PNPLA6: variants seen among roughly 807,000 people sequenced by gnomAD.
PNPLA6 encodes patatin like domain 6, lysophospholipase.
Under a neutral mutation model 153.7 loss-of-function variants are expected in PNPLA6, and 105 were observed. The ratio of observed to expected loss-of-function variants is 0.68; its 90% CI spans 0.58 to 0.80. The LOEUF is 0.80. PNPLA6 is among the 30% of genes least tolerant of loss of function. PNPLA6 has a pLI of 0.00. For missense variants in PNPLA6, 1,423 were observed against 1,919.3 expected (o/e 0.74, Z 4.83); for synonymous variants, 825 against 822.2 (o/e 1.00, Z -0.06).
intron 14 of PNPLA6, 38 bp downstream of exon 14, chr19:7,550,150 G>A (rs1027553804): frequency 6.2e-7 from 1 of 1,611,060 alleles, no homozygotes; most frequent in Non-Finnish European, 8.5e-7. Context: ...GTGGCACTCG[G>A]AGGACCCCAA....
chr19:7,541,333 C>T lies in PNPLA6; in HGVS notation c.925-21C>T. ...CCCTTACCCCGCCCCATCTTATGGC[C>T]ACGCCCCTCGAGCCCTGCAGATCAT... is the stretch of plus-strand genomic sequence containing the variant. On this transcript the variant is annotated intron_variant, in intron 7 of 31. Coordinates refer to ENST00000600737, the MANE Select transcript of PNPLA6 (RefSeq NM_001166114.2). The surrounding 1 kb of genome is among the most constrained non-coding windows in gnomAD (Gnocchi z 5.2). 1 of 1,608,936 alleles carries T rather than the reference C, an allele frequency of 6.2e-7. No individual in the cohort carries two copies. The highest frequency in any genetic ancestry group is 8.5e-7 in the Non-Finnish European group (1 of 1,176,020).
Position 7,541,104 on chromosome 19 carries a change from C to T in PNPLA6, c.924+53C>T. 1 of 1,578,312 alleles carries T rather than the reference C, an allele frequency of 6.3e-7. No homozygotes were observed. Among genetic ancestry groups the T allele is most frequent in the Non-Finnish European group, 8.6e-7 (1 of 1,160,498 alleles). ...CCCTGAGGGACCCCACCCTGGCCCC[C>T]ACCCATTCCAGGCTCCAAGGGACCG... is the stretch of plus-strand genomic sequence containing the variant. On this transcript the variant is annotated intron_variant, in intron 7 of 31. Coordinates refer to ENST00000600737, the MANE Select transcript of PNPLA6 (RefSeq NM_001166114.2). This position sits in a 1 kb window ranked among gnomAD's most constrained non-coding sequence, Gnocchi z 5.2.
chr19:7,559,417 C>T (rs1317660387), intron 28 of PNPLA6, among the ~76,000 whole-genome samples: 1 of 152,188 alleles, frequency 6.6e-6, no homozygotes, highest in Non-Finnish European at 1.5e-5. Context: ...ACTGCCATTT[C>T]TGCATTGGTG....
At chr19:7,535,351 T>C (rs1599261578), upstream of PNPLA6, 1 of 670,596 alleles carries the variant, frequency 1.5e-6, no homozygotes, top group Non-Finnish European at 2.7e-6. The surrounding 1 kb of genome is among the most constrained non-coding windows in gnomAD (Gnocchi z 5.0). Context: ...CATCCCTTAG[T>C]CCCGCAGCGC....
chr19:7,558,787 G>A, intron 27 of PNPLA6, 63 bp from the exon 28 acceptor site: 1 of 1,222,650 alleles, frequency 8.2e-7, no homozygotes, highest in Non-Finnish European at 1.2e-6. Flanking sequence ...TGTGGGACTG[G>A]GTTGAACATC....
chr19:7,541,229 C>T lies in PNPLA6; in HGVS notation c.925-125C>T, dbSNP rs952553583. The stretch of plus-strand genomic sequence containing the variant: ...CTCCCTTAGCTGCCTCGCCCCATTT[C>T]CCCAGACTGTGGGTCTCTCCCTGGT... On this transcript the variant is annotated intron_variant, in intron 7 of 31. Coordinates refer to ENST00000600737, the MANE Select transcript of PNPLA6 (RefSeq NM_001166114.2). The surrounding 1 kb of genome is among the most constrained non-coding windows in gnomAD (Gnocchi z 5.2). 2.7e-6 allele frequency: 3 copies of T among 1,105,448 alleles called. No individual in the cohort carries two copies. In the African/African-American group the frequency reaches 4.6e-5, roughly 17 times the overall value. 68.5% of individuals were successfully genotyped at this position (1,105,448 alleles called of 1,614,324 possible).
At chr19:7,557,032 C>T (rs759592981) in intron 26 of PNPLA6, 136 bp from the exon 27 acceptor site, 57 of 825,882 alleles carry the variant, frequency 6.9e-5, no homozygotes, top group Non-Finnish European at 1.1e-4. Flanking sequence ...CTGTGCGACC[C>T]CAAGGACGGG....
rs1314118399 is a variant in PNPLA6 at position 7,540,957 on chromosome 19, G to C, written c.830G>C (p.Arg277Pro). The C allele has an allele frequency of 6.2e-7, 1 of 1,612,078 alleles. No homozygotes were observed. The highest frequency in any genetic ancestry group is 8.5e-7 in the Non-Finnish European group (1 of 1,179,730). The change falls in exon 7 of 32, where the codon CGG becomes CCG. Residue 277 changes from arginine to proline, a missense_variant. Physicochemically the swap from Arg to Pro is moderately radical, Grantham distance 103 (BLOSUM62 -2). Transcript: ENST00000600737. The surrounding 1 kb of genome is among the most constrained non-coding windows in gnomAD (Gnocchi z 6.8). Reference sequence around the variant, plus strand: ...CATCCCCAGCGGACCGTGTCTGCCCGGGCGGCCCGGGACTCCACGGTGCTG... The same window carrying C: ...CATCCCCAGCGGACCGTGTCTGCCCCGGCGGCCCGGGACTCCACGGTGCTG... ...HQHPQRTVSA[R>P]AARDSTVLRL...
At chr19:7,553,739 G>A in intron 18 of PNPLA6, 136 bp from the exon 19 acceptor site, 2 of 1,104,188 alleles carry the variant, frequency 1.8e-6, no homozygotes, top group Non-Finnish European at 2.7e-6. Flanking sequence ...AAGACTTTGG[G>A]CAACTGGGGG....
chr19:7,539,386 G>A (rs548717207), intron 3 of PNPLA6, among the ~76,000 whole-genome samples: 4 of 152,184 alleles, frequency 2.6e-5, no homozygotes, highest in South Asian at 4.1e-4. Flanking sequence ...GGCCGAGGCA[G>A]GAGAATCGCT....
chr19:7,560,586 G>C, intron 28 of PNPLA6, 62 bp from the exon 29 acceptor site: 1 of 1,138,148 alleles, frequency 8.8e-7, no homozygotes, highest in Admixed American at 1.7e-5. Context: ...AGAATGGGCA[G>C]ACAGAGTGGG....
rs750642573 is a variant in PNPLA6, at chr19:7,557,142, TTGTGTC to T, written c.3281-20_3281-15del. The T allele has an allele frequency of 1.9e-6, 3 of 1,545,616 alleles. No individual in the cohort carries two copies. Among genetic ancestry groups the T allele is most frequent in the East Asian group, 2.2e-5 (1 of 44,524 alleles). On this transcript the variant is annotated intron_variant, in intron 26 of 31. Coordinates refer to ENST00000600737, the MANE Select transcript of PNPLA6 (RefSeq NM_001166114.2). ...CGTGTCTGAGCGTGTCTGTGCGTGT[TTGTGTC>T]TGTGTGTCCCACCGCGCAGGCTCCC...
At chr19:7,545,919 A>AG (rs2023368592) in intron 13 of PNPLA6, among the ~76,000 whole-genome samples, 1 of 151,606 alleles carries the variant, frequency 6.6e-6, no homozygotes, top group African/African-American at 2.4e-5. Flanking sequence ...CAAAAAAAAA[A>AG]AAAAAAAAAA....
At chr19:7,551,144 C>A in intron 17 of PNPLA6, 37 bp downstream of exon 17, 2 of 372,744 alleles carry the variant, frequency 5.4e-6, no homozygotes, top group Non-Finnish European at 5.1e-6. Flanking sequence ...GAGGCGGAGG[C>A]GGGACTCCGG....
chr19:7,553,761 G>A (rs1038736698), intron 18 of PNPLA6, 114 bp from the exon 19 acceptor site: 5 of 1,389,134 alleles, frequency 3.6e-6, no homozygotes, highest in Non-Finnish European at 5.1e-6. Flanking sequence ...TGCAGTCTGG[G>A]AGCACAGGAG....
upstream of PNPLA6, chr19:7,535,583 G>C: frequency 6.2e-7 from 1 of 1,604,324 alleles, no homozygotes; most frequent in Middle Eastern, 1.7e-4. The surrounding 1 kb of genome is among the most constrained non-coding windows in gnomAD (Gnocchi z 5.0). Context: ...GAATGGTAAG[G>C]GGTGGGGCGG....
intron 13 of PNPLA6, among the ~76,000 whole-genome samples, chr19:7,545,515 T>C (rs2023350260): frequency 6.6e-6 from 1 of 152,120 alleles, no homozygotes; most frequent in African/African-American, 2.4e-5. Context: ...TATAAAGGGA[T>C]GGAACAGGAA....
chr19:7,550,774 C>A, intron 16 of PNPLA6, 134 bp downstream of exon 16: 1 of 1,181,060 alleles, frequency 8.5e-7, no homozygotes, highest in Non-Finnish European at 1.2e-6. Context: ...AGTCCACTCC[C>A]CGCCCAGACC....
chr19:7,549,980 T>C lies in PNPLA6; in HGVS notation c.1682T>C (p.Val561Ala), dbSNP rs1174150999. The C allele has an allele frequency of 6.2e-7, 1 of 1,613,980 alleles. No homozygotes were observed. Among genetic ancestry groups the C allele is most frequent in the East Asian group, 2.2e-5 (1 of 44,886 alleles). Residue 561 changes from valine (V) to alanine (A), a missense_variant, in exon 14 of 32, where the codon GTG becomes GCG. Val to Ala is a moderately conservative substitution (Grantham distance 64). Transcript: ENST00000600737. The stretch of plus-strand genomic sequence containing the variant: ...CGCATGATCGACAAGGCGGAGGACG[T>C]GTGCCTGTTCGTAGCGCAGCCCGGG... ...YQRMIDKAED[V>A]CLFVAQPGEL...
Sources: gnomAD v4.1 joint callset for allele counts (sites outside exome capture counted in the v4.1 genomes callset) on GRCh38, gnomAD v4.1.1 for gene constraint, Gnocchi (gnomAD v3.1) non-coding constraint, MANE v1.5 for transcripts, NCBI Gene and HGNC (gene_info 2026-07-23, HGNC 2026-07-21) for gene names.